Variants in FAT4 observed in about 807,000 individuals in gnomAD.
FAT4 encodes the protein protocadherin Fat 4.
A neutral mutation model predicts 303.9 loss-of-function variants in FAT4; 84 were observed. That is an observed-to-expected ratio of 0.28 (90% confidence interval 0.23 to 0.33). The LOEUF is 0.33. Ranked by LOEUF, FAT4 falls within the 10% of genes least tolerant of loss-of-function variation. The probability of loss-of-function intolerance (pLI) is 1.00; values close to 1 mark genes in which losing one functional copy is unlikely to be tolerated. For missense variants in FAT4, 6,005 were observed against 6,146.8 expected (o/e 0.98, Z 0.77); for synonymous variants, 2,307 against 2,298.8 (o/e 1.00, Z -0.10).
Position 125,317,278 on chromosome 4 carries a change from G to T in FAT4, c.867G>T (p.Leu289=), listed in dbSNP as rs890586585. Residue 289 remains leucine, a synonymous_variant, in exon 2 of 18, where the codon CTG becomes CTT. Transcript: ENST00000394329. This position sits in a 1 kb window ranked among gnomAD's most constrained non-coding sequence, Gnocchi z 7.0. ...CCAACGCGGACATCCGCTATCGCCT[G>T]CAGGACGAGGGGACCCCCTTCCAAA... The part of the protein sequence containing the change: ...EGTNADIRYR[L]QDEGTPFQMD... The T allele has an allele frequency of 1.2e-5, 19 of 1,585,688 alleles. No homozygotes were observed. In the Admixed American group the frequency reaches 1.2e-4, roughly 10 times the overall value.
chr4:125,328,655 C>T (rs879676197), intron 2 of FAT4, among the ~76,000 whole-genome samples: 1 of 152,150 alleles, frequency 6.6e-6, no homozygotes, highest in Non-Finnish European at 1.5e-5. Context: ...ATATATAAAT[C>T]GTTTATGTTA....
chr4:125,475,790 A>G (rs1202404239), intron 12 of FAT4, among the ~76,000 whole-genome samples: 3 of 152,158 alleles, frequency 2.0e-5, no homozygotes, highest in Non-Finnish European at 4.4e-5. Context: ...TTTTGTTAAC[A>G]TAGCTTGACA....
intron 2 of FAT4, among the ~76,000 whole-genome samples, chr4:125,356,182 C>A (rs570427562): frequency 6.6e-6 from 1 of 152,074 alleles, no homozygotes; most frequent in East Asian, 1.9e-4. Flanking sequence ...TAATAGTACA[C>A]CCTGGCTGCA....
intron 2 of FAT4, among the ~76,000 whole-genome samples, chr4:125,328,283 A>T (rs140230847): frequency 6.6e-6 from 1 of 152,220 alleles, no homozygotes; most frequent in Non-Finnish European, 1.5e-5. Flanking sequence ...ACATGTAATT[A>T]TATATTAACA....
intron 12 of FAT4, among the ~76,000 whole-genome samples, chr4:125,469,144 C>A (rs1437361911): frequency 6.6e-6 from 1 of 152,180 alleles, no homozygotes; most frequent in African/African-American, 2.4e-5. Flanking sequence ...TCTGCCTTGA[C>A]TGAAGAAACA....
intron 5 of FAT4, among the ~76,000 whole-genome samples, chr4:125,409,382 G>A (rs1055807959): frequency 8.6e-5 from 13 of 151,678 alleles, no homozygotes; most frequent in South Asian, 2.1e-4. Flanking sequence ...TCAGCCTCCC[G>A]AGTAGCTAGG....
At chr4:125,373,292 A>G (rs1338333141) in intron 2 of FAT4, among the ~76,000 whole-genome samples, 1 of 152,108 alleles carries the variant, frequency 6.6e-6, no homozygotes, top group Admixed American at 6.6e-5. Flanking sequence ...ACATACATGA[A>G]ACAAGTTAAT....
At position 125,476,334 on chromosome 4, in the gene FAT4, A is replaced by G. The variant is rs1016748245; in HGVS notation, c.12299+78A>G. The G allele has an allele frequency of 1.0e-5, 7 of 690,390 alleles. No individual in the cohort carries two copies. The African/African-American group carries it at 1.3e-4, about 13-fold the overall frequency. 42.8% of individuals were successfully genotyped at this position (690,390 alleles called of 1,614,324 possible). ...AAACTTTATACCTAAAAATAATTAT[A>G]GGATGCTAAGTAGTACATAAAGCTT... On this transcript the variant is annotated intron_variant, in intron 13 of 17. Coordinates refer to ENST00000394329, the MANE Select transcript of FAT4 (RefSeq NM_001291303.3).
intron 2 of FAT4, among the ~76,000 whole-genome samples, chr4:125,382,823 A>G (rs909658383): frequency 1.3e-5 from 2 of 152,222 alleles, no homozygotes; most frequent in Non-Finnish European, 2.9e-5. Flanking sequence ...TATCTTTGCT[A>G]GATCTTCTGG....
chr4:125,434,332 A>G lies in FAT4; in HGVS notation c.7106A>G (p.Tyr2369Cys), dbSNP rs538280790. 3.5e-5 allele frequency: 56 copies of G among 1,614,102 alleles called. No individual in the cohort carries two copies. Among genetic ancestry groups the G allele is most frequent in the Middle Eastern group, 1.7e-4 (1 of 6,060 alleles). ...GTCCCCACATTTGCCAGTAAAGCGT[A>G]TTTCACAACAATTCCTGAGGATGCA... The part of the protein sequence containing the change: ...DNVPTFASKA[Y>C]FTTIPEDAPT... The change falls in exon 8 of 18, where the codon TAT (tyrosine) becomes TGT (cysteine). Residue 2369 changes from tyrosine to cysteine, a missense_variant. By Grantham distance (194) the Tyr-to-Cys change is radical (BLOSUM62 -2). Coordinates refer to ENST00000394329, the MANE Select transcript of FAT4 (RefSeq NM_001291303.3).
At chr4:125,355,779 G>A (rs895513880) in intron 2 of FAT4, among the ~76,000 whole-genome samples, 2 of 151,766 alleles carry the variant, frequency 1.3e-5, no homozygotes, top group African/African-American at 4.8e-5. Context: ...CTTGGTGGAA[G>A]AGAAAAAACA....
At chr4:125,385,369 A>G (rs767113512) in intron 2 of FAT4, among the ~76,000 whole-genome samples, 10 of 152,122 alleles carry the variant, frequency 6.6e-5, no homozygotes, top group Admixed American at 2.6e-4. Context: ...TCAGATATTG[A>G]TTCCTTAAAT....
chr4:125,448,340 G>A, intron 9 of FAT4, 121 bp from the exon 10 acceptor site: 1 of 891,810 alleles, frequency 1.1e-6, no homozygotes, highest in South Asian at 1.7e-5. Context: ...GTTCTCCCTA[G>A]TAATCATGAG....
rs998344583 is a variant in FAT4, at chr4:125,420,516, G to T, written c.7018+3894G>T. On this transcript the variant is annotated intron_variant, in intron 7 of 17. Coordinates refer to ENST00000394329, the MANE Select transcript of FAT4 (RefSeq NM_001291303.3). Reference sequence around the variant, plus strand: ...TTCATTGTTTGCAGATTTTTTTAAAGAAACTTCCAAAAGAAAAAAGTGCAA... The same window carrying T: ...TTCATTGTTTGCAGATTTTTTTAAATAAACTTCCAAAAGAAAAAAGTGCAA... Among the ~76,000 whole-genome samples, 4 of 152,162 alleles carry T rather than the reference G, an allele frequency of 2.6e-5. No homozygotes were observed. The East Asian group carries it at 7.7e-4, about 29-fold the overall frequency.
intron 2 of FAT4, among the ~76,000 whole-genome samples, chr4:125,383,877 T>A (rs572717773): frequency 1.3e-5 from 2 of 152,286 alleles, no homozygotes; most frequent in South Asian, 4.1e-4. Flanking sequence ...AAATCCTTTT[T>A]ATTAAGCAAA....
In FAT4 at chr4:125,318,432, G is replaced by C. The variant is rs759309740; in HGVS notation, c.2021G>C (p.Arg674Pro). The change falls in exon 2 of 18, where the codon CGC becomes CCC. Residue 674 changes from arginine to proline, a missense_variant. Coordinates refer to ENST00000394329, the MANE Select transcript of FAT4 (RefSeq NM_001291303.3). ...LGSPPQSSMARINVSLLDIND... is the reference protein window; with the variant it reads ...LGSPPQSSMAPINVSLLDIND... ...TCCCCTCCCCAGTCATCAATGGCTC[G>C]CATAAATGTGAGTCTTCTGGATATA... 6 of 1,613,980 alleles carry C rather than the reference G, an allele frequency of 3.7e-6. No individual in the cohort carries two copies. The highest frequency in any genetic ancestry group is 2.2e-5 in the South Asian group (2 of 91,088).
chr4:125,478,279 C>A (rs575619408), intron 14 of FAT4, among the ~76,000 whole-genome samples: 2 of 152,194 alleles, frequency 1.3e-5, no homozygotes, highest in South Asian at 4.2e-4. Flanking sequence ...CACACTAGTT[C>A]GTTATTATTA....
At position 125,463,231 on chromosome 4, in the gene FAT4, T is replaced by C. The variant is rs80253507; in HGVS notation, c.11801-332T>C. Reference sequence around the variant, plus strand: ...GTTTCAACTTTCTATCTATAAAATATAAAAGATGAAGGGACATTGACACAG... The same window carrying C: ...GTTTCAACTTTCTATCTATAAAATACAAAAGATGAAGGGACATTGACACAG... On this transcript the variant is annotated intron_variant, in intron 10 of 17. Coordinates refer to ENST00000394329, the MANE Select transcript of FAT4 (RefSeq NM_001291303.3). Among the ~76,000 whole-genome samples the C allele has an allele frequency of 8.2e-3, 1,249 of 152,084 alleles. 24 individuals are homozygous for C. Among genetic ancestry groups the C allele is most frequent in the East Asian group, 0.068 (353 of 5,178 alleles).
chr4:125,321,284 G>A lies in FAT4; in HGVS notation c.4873G>A (p.Asp1625Asn). ...ATTGACCATCATTCTTCAGGGCCTTGATGGACCTGTTTTTACTCAACCCAA... is the reference window on the plus strand; with the variant it reads ...ATTGACCATCATTCTTCAGGGCCTTAATGGACCTGTTTTTACTCAACCCAA... ...TELTIILQGL[D>N]GPVFTQPKYI... Residue 1625 changes from aspartate (D) to asparagine (N), a missense_variant, in exon 2 of 18, where the codon GAT becomes AAT. Transcript: ENST00000394329. The A allele has an allele frequency of 6.2e-7, 1 of 1,614,036 alleles. No homozygotes were observed. The highest frequency in any genetic ancestry group is 1.1e-5 in the South Asian group (1 of 91,084).
Sources: allele counts gnomAD v4.1 joint callset (sites outside exome capture counted in the v4.1 genomes callset), GRCh38; gene constraint gnomAD v4.1.1; non-coding constraint Gnocchi (gnomAD v3.1); transcripts MANE v1.5; gene names NCBI Gene and HGNC (gene_info 2026-07-23, HGNC 2026-07-21).